Variants in DMGDH observed in about 807,000 individuals in gnomAD.
DMGDH encodes dimethylglycine dehydrogenase, mitochondrial.
A neutral mutation model predicts 95.2 loss-of-function variants in DMGDH; 76 were observed. The observed-to-expected ratio is 0.80, with a 90% CI of 0.66 to 0.97. The LOEUF is 0.97. Among genes scored for constraint, DMGDH ranks in the 50% least tolerant of loss-of-function variants. The pLI, the probability that DMGDH is intolerant of heterozygous loss-of-function variation, is 0.00. For synonymous variants in DMGDH, 345 were observed against 377.6 expected (o/e 0.91, Z 1.00); for missense variants, 987 against 1,055.0 (o/e 0.94, Z 0.89).
chr5:79,023,930 G>C (rs1753928611), intron 14 of DMGDH, among the ~76,000 whole-genome samples: 1 of 152,154 alleles, frequency 6.6e-6, no homozygotes, highest in Non-Finnish European at 1.5e-5. Context: ...GTCACCAGGA[G>C]TTACTGCAAA....
chr5:79,016,841 A>C (rs1396263365), intron 14 of DMGDH, among the ~76,000 whole-genome samples: 1 of 152,246 alleles, frequency 6.6e-6, no homozygotes, highest in Non-Finnish European at 1.5e-5. Context: ...TGGAAAGATA[A>C]ACAGATATAC....
chr5:78,997,972 T>A lies in DMGDH; in HGVS notation c.*110A>T. The A allele has an allele frequency of 2.6e-6, 3 of 1,165,804 alleles. No homozygotes were observed. Among genetic ancestry groups the A allele is most frequent in the South Asian group, 1.4e-5 (1 of 73,622 alleles). 72.2% of individuals were successfully genotyped at this position (1,165,804 alleles called of 1,614,324 possible). On this transcript the variant is annotated 3_prime_UTR_variant, in exon 16 of 16. Transcript: ENST00000255189. ...TTAAGATTCTAAATTTAGACTTTGA[T>A]GATTTTGAAATGAATTCCTGGTTTC... is the stretch of plus-strand genomic sequence containing the variant.
chr5:78,998,801 G>T (rs535144122), intron 15 of DMGDH, among the ~76,000 whole-genome samples: 1 of 152,162 alleles, frequency 6.6e-6, no homozygotes, highest in Non-Finnish European at 1.5e-5. Context: ...AGTGAGCTGA[G>T]ATCTGGCCAC....
At chr5:79,025,262 G>A (rs1055831440) in intron 13 of DMGDH, among the ~76,000 whole-genome samples, 3 of 152,198 alleles carry the variant, frequency 2.0e-5, no homozygotes, top group African/African-American at 7.2e-5. Flanking sequence ...AAAGGCAGGA[G>A]AATGGAGAAA....
intron 14 of DMGDH, among the ~76,000 whole-genome samples, chr5:79,020,016 A>C (rs1355195924): frequency 6.6e-6 from 1 of 152,226 alleles, no homozygotes; most frequent in African/African-American, 2.4e-5. Flanking sequence ...CCCAGGTGAC[A>C]GTGATGCTGC....
At chr5:79,044,007 C>A (rs140211940) in intron 6 of DMGDH, among the ~76,000 whole-genome samples, 2 of 152,088 alleles carry the variant, frequency 1.3e-5, no homozygotes, top group African/African-American at 4.8e-5. Flanking sequence ...GAGGAAAAAA[C>A]GGGGAGGCAG....
intron 14 of DMGDH, among the ~76,000 whole-genome samples, chr5:79,013,242 A>C (rs1753676301): frequency 1.3e-5 from 2 of 152,232 alleles, no homozygotes; most frequent in South Asian, 4.1e-4. Flanking sequence ...TCAGTTTCTA[A>C]GATCCATAGA....
chr5:79,063,213 A>G (rs1644004), intron 2 of DMGDH, among the ~76,000 whole-genome samples: 64,914 of 152,110 alleles, frequency 0.43, 15,998 homozygotes, highest in East Asian at 0.64. Context: ...CCCAGACAGT[A>G]TCCTTCCATA....
intron 5 of DMGDH, among the ~76,000 whole-genome samples, chr5:79,046,557 T>G (rs759398236): frequency 2.0e-5 from 3 of 152,156 alleles, no homozygotes; most frequent in Non-Finnish European, 4.4e-5. Flanking sequence ...CTGGCTAATT[T>G]TGTATCTTTT....
intron 7 of DMGDH, among the ~76,000 whole-genome samples, chr5:79,037,881 T>C (rs1286007565): frequency 6.6e-6 from 1 of 152,182 alleles, no homozygotes; most frequent in African/African-American, 2.4e-5. Flanking sequence ...GTGCAAAACT[T>C]TTACTCTGAA....
At chr5:79,055,305 T>C (rs1754994658) in intron 3 of DMGDH, among the ~76,000 whole-genome samples, 1 of 152,262 alleles carries the variant, frequency 6.6e-6, no homozygotes, top group Middle Eastern at 3.2e-3. Context: ...TTGGATGGTT[T>C]AGGCAAGGGA....
chr5:79,005,231 G>T (rs750145982), intron 15 of DMGDH, 42 bp downstream of exon 15: 1 of 1,612,128 alleles, frequency 6.2e-7, no homozygotes, highest in Non-Finnish European at 8.5e-7. Context: ...TTCTGTTGCA[G>T]AAGATGCCAC....
intron 13 of DMGDH, 62 bp downstream of exon 13, chr5:79,026,362 C>G (rs1335064778): frequency 2.5e-6 from 4 of 1,603,620 alleles, no homozygotes; most frequent in Non-Finnish European, 3.4e-6. Context: ...TTCAAACCAG[C>G]CCTTATATAA....
chr5:79,065,164 G>A (rs1219623700), intron 1 of DMGDH, among the ~76,000 whole-genome samples: 1 of 151,538 alleles, frequency 6.6e-6, no homozygotes, highest in Non-Finnish European at 1.5e-5. Flanking sequence ...CCCACTGGAA[G>A]GTCTTCAGGG....
intron 7 of DMGDH, among the ~76,000 whole-genome samples, chr5:79,036,066 C>A (rs1754339054): frequency 6.6e-6 from 1 of 152,186 alleles, no homozygotes; most frequent in Admixed American, 6.5e-5. Flanking sequence ...TGACCTTGGG[C>A]AAGTTATGTA....
At chr5:79,000,594 T>C in intron 15 of DMGDH, 5 of 609,108 alleles carry the variant, frequency 8.2e-6, no homozygotes, top group Non-Finnish European at 1.3e-5. Flanking sequence ...CTGGCTGACA[T>C]GCAAAAATGA....
rs200007875 is a variant in DMGDH, at chr5:79,012,807, T to C, written c.2251-7400A>G. ...ACAGCTAGAGCTGGAGCAGCTGGGATGCAGGGAGCAGTGTCCCAATGCCAT... is the reference window on the plus strand; with the variant it reads ...ACAGCTAGAGCTGGAGCAGCTGGGACGCAGGGAGCAGTGTCCCAATGCCAT... On this transcript the variant is annotated intron_variant, in intron 14 of 15. Coordinates refer to ENST00000255189, the MANE Select transcript of DMGDH (RefSeq NM_013391.3). Among the ~76,000 whole-genome samples, 66 of 152,336 alleles carry C rather than the reference T, an allele frequency of 4.3e-4. No homozygotes were observed. In the East Asian group the frequency reaches 9.5e-3, roughly 22 times the overall value.
At chr5:79,038,713 G>A (rs749840274) in intron 7 of DMGDH, among the ~76,000 whole-genome samples, 3 of 152,168 alleles carry the variant, frequency 2.0e-5, no homozygotes, top group Non-Finnish European at 4.4e-5. Flanking sequence ...TGACTCTTGT[G>A]GAGAGGAGAG....
intron 14 of DMGDH, among the ~76,000 whole-genome samples, chr5:79,017,853 A>T (rs1034794562): frequency 6.6e-6 from 1 of 152,194 alleles, no homozygotes; most frequent in Non-Finnish European, 1.5e-5. Context: ...TTCCACAGAC[A>T]AACTGCCGGA....
Sources: gnomAD v4.1 joint callset for allele counts (sites outside exome capture counted in the v4.1 genomes callset) on GRCh38, gnomAD v4.1.1 for gene constraint, MANE v1.5 for transcripts, NCBI Gene and HGNC (gene_info 2026-07-23, HGNC 2026-07-21) for gene names.